The following SCARB1 variants were observed in gnomAD, a reference collection of about 807,000 sequenced individuals.
The protein encoded by SCARB1 is CD36 and LIMPII analogous 1.
SCARB1 carries 30 observed loss-of-function variants against 57.2 expected under a neutral mutation model. The ratio of observed to expected loss-of-function variants is 0.52; its 90% CI spans 0.39 to 0.71. The LOEUF (loss-of-function observed/expected upper bound fraction) is 0.71. SCARB1 is among the 30% of genes least tolerant of loss of function. SCARB1 has a pLI of 0.00. For missense variants in SCARB1, 543 were observed against 671.2 expected, an observed-to-expected ratio of 0.81 and a Z score of 2.11; for synonymous variants, 249 against 268.3, an observed-to-expected ratio of 0.93 and a Z score of 0.70.
intron 1 of SCARB1, among the ~76,000 whole-genome samples, chr12:124,831,145 T>C (rs907760015): frequency 6.6e-6 from 1 of 152,100 alleles, no homozygotes; most frequent in Non-Finnish European, 1.5e-5. Flanking sequence ...CTGGCTAATT[T>C]TTGTATTTTT....
In SCARB1 at chr12:124,817,466, A is replaced by C; in HGVS notation, c.284+84T>G. Reference sequence around the variant, plus strand: ...GAACAATCTCTGGGGCTCAGTCAGCAGCCTCCCCATCCCGTCCACTCTGAG... The same window carrying C: ...GAACAATCTCTGGGGCTCAGTCAGCCGCCTCCCCATCCCGTCCACTCTGAG... On this transcript the variant is annotated intron_variant, in intron 2 of 12. Transcript: ENST00000261693. This position sits in a 1 kb window ranked among gnomAD's most constrained non-coding sequence, Gnocchi z 4.8. The C allele has an allele frequency of 7.2e-7, 1 of 1,382,690 alleles. No homozygotes were observed. The highest frequency in any genetic ancestry group is 1.0e-6 in the Non-Finnish European group (1 of 992,304). The allele number at this position is 1,382,690 out of a possible 1,614,324, so 85.7% of individuals were successfully genotyped here.
At chr12:124,787,538 A>C in intron 9 of SCARB1, 81 bp from the exon 10 acceptor site, 1 of 1,263,562 alleles carries the variant, frequency 7.9e-7, no homozygotes, top group Non-Finnish European at 1.1e-6. Flanking sequence ...TACAACATCT[A>C]AACAGGTTTA....
At chr12:124,832,518 T>TG (rs1211969906) in intron 1 of SCARB1, among the ~76,000 whole-genome samples, 1 of 88,008 alleles carries the variant, frequency 1.1e-5, no homozygotes, top group East Asian at 5.4e-4. Context: ...AGACTTGGTC[T>TG]CAAAAAAAAA....
At chr12:124,858,858 G>A (rs1197713833) in intron 1 of SCARB1, among the ~76,000 whole-genome samples, 3 of 150,820 alleles carry the variant, frequency 2.0e-5, no homozygotes, top group African/African-American at 4.9e-5. Flanking sequence ...CAGCCTGGGC[G>A]ACAGAGCCAG....
Position 124,782,679 on chromosome 12 carries a change from C to A in SCARB1, c.*4G>T. 2 of 1,613,836 alleles carry A rather than the reference C, an allele frequency of 1.2e-6. No homozygotes were observed. Among genetic ancestry groups the A allele is most frequent in the Non-Finnish European group, 1.7e-6 (2 of 1,179,894 alleles). On this transcript the variant is annotated splice_donor_region_variant and intron_variant, in intron 12 of 12. Coordinates refer to ENST00000261693, the MANE Select transcript of SCARB1 (RefSeq NM_005505.5). ...GGAGGCGCACGGCATTACCTGGTAC[C>A]CACCTACAGTTTTGCTTCCTGCAGC...
chr12:124,819,626 G>C (rs1040923998), intron 1 of SCARB1, among the ~76,000 whole-genome samples: 1 of 152,140 alleles, frequency 6.6e-6, no homozygotes, highest in Non-Finnish European at 1.5e-5. Flanking sequence ...AGCCCGGCAG[G>C]AGTGACCCAG....
intron 1 of SCARB1, among the ~76,000 whole-genome samples, chr12:124,841,043 C>T (rs912483602): frequency 6.6e-6 from 1 of 152,046 alleles, no homozygotes; most frequent in African/African-American, 2.4e-5. Flanking sequence ...GTGGCACGCA[C>T]GTGTAATCCC....
chr12:124,832,695 A>G (rs1381184977), intron 1 of SCARB1, among the ~76,000 whole-genome samples: 2 of 152,222 alleles, frequency 1.3e-5, no homozygotes, highest in African/African-American at 2.4e-5. Flanking sequence ...GTCTTTTTGT[A>G]AAAACACTGA....
intron 9 of SCARB1, among the ~76,000 whole-genome samples, chr12:124,791,638 G>A (rs1047202102): frequency 6.6e-6 from 1 of 152,186 alleles, no homozygotes; most frequent in Non-Finnish European, 1.5e-5. Flanking sequence ...GGGCGGTGAC[G>A]AAAGTCAGCA....
At chr12:124,842,094 G>A (rs1951932036) in intron 1 of SCARB1, among the ~76,000 whole-genome samples, 1 of 152,208 alleles carries the variant, frequency 6.6e-6, no homozygotes, top group African/African-American at 2.4e-5. Context: ...ATAAACAGCT[G>A]CCCGGAGCAG....
rs1470248759 is a variant in SCARB1, at chr12:124,863,500, G to A, written c.126+95C>T. On this transcript the variant is annotated intron_variant, in intron 1 of 12. Coordinates refer to ENST00000261693, the MANE Select transcript of SCARB1 (RefSeq NM_005505.5). ...CAGGCCCGGGCGCCGATTCCGCTGC[G>A]GTCGCCCACCCACCGCAACGCGCGG... The A allele has an allele frequency of 7.3e-6, 10 of 1,371,760 alleles. No homozygotes were observed. In the Admixed American group the frequency reaches 1.9e-4, roughly 25 times the overall value. 85.0% of individuals were successfully genotyped at this position (1,371,760 alleles called of 1,614,324 possible).
intron 2 of SCARB1, among the ~76,000 whole-genome samples, chr12:124,816,795 G>A (rs1950736239): frequency 1.3e-5 from 2 of 152,074 alleles, no homozygotes; most frequent in Non-Finnish European, 2.9e-5. Flanking sequence ...CCATGAAGGG[G>A]CTCTTGTGTC....
chr12:124,795,345 C>T, intron 8 of SCARB1, 77 bp from the exon 9 acceptor site: 1 of 1,241,756 alleles, frequency 8.1e-7, no homozygotes, highest in Non-Finnish European at 1.2e-6. Flanking sequence ...CTCCCTGGTC[C>T]CAGTCAAGAG....
chr12:124,840,742 A>C (rs1414930926), intron 1 of SCARB1, among the ~76,000 whole-genome samples: 1 of 152,042 alleles, frequency 6.6e-6, no homozygotes, highest in Non-Finnish European at 1.5e-5. Flanking sequence ...CCTGAAAAAA[A>C]ACTCGAATAT....
chr12:124,811,802 G>A (rs948344876), intron 5 of SCARB1, 68 bp downstream of exon 5: 11 of 1,080,776 alleles, frequency 1.0e-5, no homozygotes, highest in South Asian at 4.0e-5. Flanking sequence ...TGCCACTCCC[G>A]AGCAGCCATG....
At chr12:124,805,704 A>G (rs117314711) in intron 7 of SCARB1, among the ~76,000 whole-genome samples, 2,996 of 147,746 alleles carry the variant, frequency 0.02, 49 homozygotes, top group Non-Finnish European at 0.031. Context: ...GACTACAGGC[A>G]TGCACCACCA....
In SCARB1 at chr12:124,812,016, C is replaced by G. The variant is rs1370573253; in HGVS notation, c.631-51G>C. ...CGTAAGGCTTAGGCCTGCCATTGAG[C>G]CGGCCTGGTCTGAACATTCTGGGCT... On this transcript the variant is annotated intron_variant, in intron 4 of 12. Coordinates refer to ENST00000261693, the MANE Select transcript of SCARB1 (RefSeq NM_005505.5). This position sits in a 1 kb window ranked among gnomAD's most constrained non-coding sequence, Gnocchi z 4.3. 4 of 1,415,122 alleles carry G rather than the reference C, an allele frequency of 2.8e-6. No individual in the cohort carries two copies. The highest frequency in any genetic ancestry group is 1.8e-4 in the Middle Eastern group (1 of 5,672). 87.7% of individuals were successfully genotyped at this position (1,415,122 alleles called of 1,614,324 possible). A position where few individuals can be genotyped will look rare whatever the true frequency, so the allele number is the denominator to read the frequency against.
chr12:124,814,482 C>T lies in SCARB1; in HGVS notation c.427-77G>A. The T allele has an allele frequency of 6.9e-7, 1 of 1,456,092 alleles. No homozygotes were observed. Among genetic ancestry groups the T allele is most frequent in the Non-Finnish European group, 9.6e-7 (1 of 1,041,292 alleles). 90.2% of individuals were successfully genotyped at this position (1,456,092 alleles called of 1,614,324 possible). On this transcript the variant is annotated intron_variant, in intron 3 of 12. Transcript: ENST00000261693. This position sits in a 1 kb window ranked among gnomAD's most constrained non-coding sequence, Gnocchi z 4.7. ...CTCCCTTGGCCCCAGCTGGGCCTCA[C>T]AGCAAAGAGCCCATGAAGGGAAATG... is the stretch of plus-strand genomic sequence containing the variant.
chr12:124,844,092 T>C (rs762638027), intron 1 of SCARB1, among the ~76,000 whole-genome samples: 1 of 152,038 alleles, frequency 6.6e-6, no homozygotes, highest in Non-Finnish European at 1.5e-5. Context: ...GGGTCCAGCA[T>C]ATTTGCTGTT....
Sources: allele counts gnomAD v4.1 joint callset (sites outside exome capture counted in the v4.1 genomes callset), GRCh38; gene constraint gnomAD v4.1.1; non-coding constraint Gnocchi (gnomAD v3.1); transcripts MANE v1.5; gene names NCBI Gene and HGNC (gene_info 2026-07-23, HGNC 2026-07-21).